Variants in ACOXL observed in about 807,000 individuals in gnomAD.
ACOXL encodes acyl-CoA oxidase like, also known as acyl-coenzyme A oxidase-like protein.
Under a neutral mutation model 71.9 loss-of-function variants are expected in ACOXL, and 70 were observed. That is an observed-to-expected ratio of 0.97 (90% CI 0.80 to 1.19). ACOXL has a LOEUF of 1.19. ACOXL is among the 50% of genes most tolerant of loss of function. The pLI, the probability that ACOXL is intolerant of heterozygous loss-of-function variation, is 0.00. For synonymous variants in ACOXL, 253 were observed against 281.6 expected (o/e 0.90, Z 1.02); for missense variants, 703 against 736.3 (o/e 0.95, Z 0.52).
intron 1 of ACOXL, among the ~76,000 whole-genome samples, chr2:110,734,513 C>T (rs796100571): frequency 4.9e-4 from 75 of 152,138 alleles, no homozygotes; most frequent in African/African-American, 1.7e-3. Context: ...TCAAGCGATC[C>T]GCCTGCCTCG....
chr2:110,788,087 A>G (rs934185537), intron 3 of ACOXL, among the ~76,000 whole-genome samples: 5 of 152,232 alleles, frequency 3.3e-5, no homozygotes, highest in Non-Finnish European at 5.9e-5. Context: ...TTGTTTCTCA[A>G]AAAGTAGGAC....
At chr2:111,090,892 G>T (rs1164560346) in intron 16 of ACOXL, among the ~76,000 whole-genome samples, 1 of 146,516 alleles carries the variant, frequency 6.8e-6, no homozygotes, top group Admixed American at 6.7e-5. Context: ...GACCTACATT[G>T]CCTGCATCCA....
intron 2 of ACOXL, among the ~76,000 whole-genome samples, chr2:110,781,889 C>T (rs1683387525): frequency 6.6e-6 from 1 of 152,226 alleles, no homozygotes; most frequent in Admixed American, 6.5e-5. Context: ...TCTGTGAAAA[C>T]ATACATTTTT....
intron 16 of ACOXL, among the ~76,000 whole-genome samples, chr2:111,072,012 G>A (rs1420906051): frequency 1.3e-5 from 2 of 152,186 alleles, no homozygotes; most frequent in African/African-American, 4.8e-5. Flanking sequence ...ACAGCTGTGG[G>A]AACTCAGGAA....
chr2:111,087,203 A>G (rs551677495), intron 16 of ACOXL, among the ~76,000 whole-genome samples: 1 of 152,376 alleles, frequency 6.6e-6, no homozygotes, highest in Admixed American at 6.5e-5. Flanking sequence ...AGGAAGAATC[A>G]ATATTGATAA....
At chr2:111,012,103 A>G (rs1423384112) in intron 14 of ACOXL, among the ~76,000 whole-genome samples, 3 of 152,216 alleles carry the variant, frequency 2.0e-5, no homozygotes, top group Non-Finnish European at 4.4e-5. Flanking sequence ...TAATATGACT[A>G]TAGGCATACC....
chr2:110,805,135 C>G (rs1301455304), intron 8 of ACOXL, 128 bp from the exon 9 acceptor site: 14 of 1,276,242 alleles, frequency 1.1e-5, no homozygotes, highest in Non-Finnish European at 2.2e-6. Context: ...CGCTCTGTCT[C>G]AAGGGGGAAG....
chr2:110,904,887 C>G (rs939138203), intron 10 of ACOXL, among the ~76,000 whole-genome samples: 4 of 152,050 alleles, frequency 2.6e-5, no homozygotes, highest in African/African-American at 4.8e-5. Context: ...AGGTTAGGCC[C>G]TGAGTGGAAG....
intron 12 of ACOXL, among the ~76,000 whole-genome samples, chr2:110,964,191 G>A (rs542741434): frequency 2.6e-5 from 4 of 152,272 alleles, no homozygotes; most frequent in Admixed American, 2.6e-4. Context: ...GTTGAACTGT[G>A]TATAATTCTA....
At position 110,846,958 on chromosome 2, in the gene ACOXL, C is replaced by T. The variant is rs374761638; in HGVS notation, c.788+5553C>T. On this transcript the variant is annotated intron_variant, in intron 10 of 17. Coordinates refer to ENST00000439055, the MANE Select transcript of ACOXL (RefSeq NM_001142807.4). ...TTAACAACAGGTCCTGCTCATGTTTCGTTTATTATCATGGCGCTTTAATTT... is the reference window on the plus strand; with the variant it reads ...TTAACAACAGGTCCTGCTCATGTTTTGTTTATTATCATGGCGCTTTAATTT... Among the ~76,000 whole-genome samples the T allele has an allele frequency of 4.5e-4, 68 of 152,264 alleles. No homozygotes were observed. The East Asian group carries it at 0.011, about 25-fold the overall frequency.
Position 110,894,087 on chromosome 2 carries a change from A to G in ACOXL, c.789-14702A>G, listed in dbSNP as rs149644031. Among the ~76,000 whole-genome samples, 554 of 152,278 alleles carry G rather than the reference A, an allele frequency of 3.6e-3. 10 individuals are homozygous for G. The highest frequency in any genetic ancestry group is 0.013 in the African/African-American group (526 of 41,576). ...TGAACTTTCTAAAAGTCGTATCTAAATATGTCATATTTGAAACCTGCAATA... is the reference window on the plus strand; with the variant it reads ...TGAACTTTCTAAAAGTCGTATCTAAGTATGTCATATTTGAAACCTGCAATA... On this transcript the variant is annotated intron_variant, in intron 10 of 17. Coordinates refer to ENST00000439055, the MANE Select transcript of ACOXL (RefSeq NM_001142807.4).
At chr2:110,952,260 C>A (rs1335187756) in intron 12 of ACOXL, among the ~76,000 whole-genome samples, 1 of 152,098 alleles carries the variant, frequency 6.6e-6, no homozygotes, top group Non-Finnish European at 1.5e-5. Context: ...AATTTATCAA[C>A]CATAAAGTCC....
chr2:111,048,687 C>G (rs991368816), intron 15 of ACOXL, among the ~76,000 whole-genome samples: 3 of 151,032 alleles, frequency 2.0e-5, no homozygotes, highest in Non-Finnish European at 2.9e-5. Flanking sequence ...TCTTGGGTTT[C>G]TCTTCCCTAT....
intron 16 of ACOXL, among the ~76,000 whole-genome samples, chr2:111,080,333 C>T (rs945420878): frequency 6.6e-6 from 1 of 152,136 alleles, no homozygotes; most frequent in African/African-American, 2.4e-5. Flanking sequence ...TTAGATCTTT[C>T]CTGCTTCCTC....
intron 10 of ACOXL, among the ~76,000 whole-genome samples, chr2:110,877,986 C>T (rs114381832): frequency 0.023 from 3,489 of 152,294 alleles, 80 homozygotes; most frequent in Middle Eastern, 0.058. Flanking sequence ...GTGTGTGAGC[C>T]TCAGGAAGCA....
At chr2:111,002,687 A>G (rs2063690547) in intron 14 of ACOXL, among the ~76,000 whole-genome samples, 1 of 152,166 alleles carries the variant, frequency 6.6e-6, no homozygotes, top group Non-Finnish European at 1.5e-5. Flanking sequence ...TTTTACCGTT[A>G]GGGTTTAGGA....
At position 110,794,131 on chromosome 2, in the gene ACOXL, C is replaced by T. The variant is rs201819575; in HGVS notation, c.302C>T (p.Ala101Val). ...ACCGAGAGGGGCCATGGGAGCAACG[C>T]GAGAGGGATCCAGACCGAAGCCACC... ...AMTERGHGSN[A>V]RGIQTEATFD... The change falls in exon 5 of 18, where the codon GCG (alanine) becomes GTG (valine). Residue 101 changes from alanine to valine, a missense_variant. By Grantham distance (64) the Ala-to-Val change is moderately conservative. Transcript: ENST00000439055. 700 of 1,614,148 alleles carry T rather than the reference C, an allele frequency of 4.3e-4. 5 individuals are homozygous for T. Among genetic ancestry groups the T allele is most frequent in the Admixed American group, 5.7e-4 (34 of 60,024 alleles).
intron 17 of ACOXL, among the ~76,000 whole-genome samples, chr2:111,109,770 C>G (rs540668166): frequency 6.8e-6 from 1 of 147,888 alleles, no homozygotes; most frequent in Non-Finnish European, 1.5e-5. Context: ...CTTCTGCCTC[C>G]CAGGTTCAAG....
chr2:111,030,046 T>TA lies in ACOXL; in HGVS notation c.1282-1570dup, dbSNP rs537649118. Among the ~76,000 whole-genome samples, 49 of 146,796 alleles carry TA rather than the reference T, an allele frequency of 3.3e-4. 1 individual carries two copies. Among genetic ancestry groups the TA allele is most frequent in the African/African-American group, 4.2e-4 (17 of 40,124 alleles). On this transcript the variant is annotated intron_variant, in intron 14 of 17. Coordinates refer to ENST00000439055, the MANE Select transcript of ACOXL (RefSeq NM_001142807.4). Reference sequence around the variant, plus strand: ...AAAAACTTACTCTACACATTGAGTTTAAAAAAAAAAAGCAATTAAAAAGTG... The same window carrying TA: ...AAAAACTTACTCTACACATTGAGTTTAAAAAAAAAAAAGCAATTAAAAAGTG...
Sources: allele counts gnomAD v4.1 joint callset (sites outside exome capture counted in the v4.1 genomes callset), GRCh38; gene constraint gnomAD v4.1.1; transcripts MANE v1.5; gene names NCBI Gene and HGNC (gene_info 2026-07-23, HGNC 2026-07-21).